Variants in SLC16A4 observed in about 807,000 individuals in gnomAD.
SLC16A4 encodes the protein solute carrier family 16 member 4, also known as probable monocarboxylate transporter 5.
In SLC16A4, 39 loss-of-function variants were observed where a neutral mutation model predicts 47.9. That is an observed-to-expected ratio of 0.81 (90% CI 0.63 to 1.06). The LOEUF is 1.06. Among genes scored for constraint, SLC16A4 ranks in the 50% least tolerant of loss-of-function variants. The probability of loss-of-function intolerance (pLI) is 0.00; values close to 1 mark genes in which losing one functional copy is unlikely to be tolerated. For missense variants in SLC16A4, 524 were observed against 573.8 expected, an observed-to-expected ratio of 0.91 and a Z score of 0.89; for synonymous variants, 189 against 199.9, an observed-to-expected ratio of 0.95 and a Z score of 0.46.
At chr1:110,366,424 T>C (rs1171417767) in intron 8 of SLC16A4, among the ~76,000 whole-genome samples, 1 of 152,152 alleles carries the variant, frequency 6.6e-6, no homozygotes, top group Non-Finnish European at 1.5e-5. Context: ...CCTTCTAAAG[T>C]GCTTGGATTT....
At chr1:110,375,663 T>C in intron 7 of SLC16A4, 112 bp from the exon 8 acceptor site, 1 of 606,122 alleles carries the variant, frequency 1.6e-6, no homozygotes, top group South Asian at 2.5e-5. Context: ...AACAGTGACT[T>C]CTGGGGTGAG....
At chr1:110,366,566 T>C (rs913755449) in intron 8 of SLC16A4, among the ~76,000 whole-genome samples, 1 of 151,834 alleles carries the variant, frequency 6.6e-6, no homozygotes, top group Non-Finnish European at 1.5e-5. Flanking sequence ...ATGAATACTT[T>C]GTTTGGATAC....
chr1:110,381,172 C>A, intron 4 of SLC16A4, 29 bp from the exon 5 acceptor site: 1 of 1,602,792 alleles, frequency 6.2e-7, no homozygotes, highest in South Asian at 1.1e-5. Context: ...AGTTTAGAAT[C>A]ACTCTTACAT....
At chr1:110,375,877 A>G (rs1661970486) in intron 7 of SLC16A4, among the ~76,000 whole-genome samples, 1 of 152,102 alleles carries the variant, frequency 6.6e-6, no homozygotes, top group South Asian at 2.1e-4. Flanking sequence ...TACAATATGA[A>G]TTAATAGTGA....
At chr1:110,366,949 C>T (rs1472316410) in intron 8 of SLC16A4, among the ~76,000 whole-genome samples, 1 of 152,056 alleles carries the variant, frequency 6.6e-6, no homozygotes, top group African/African-American at 2.4e-5. Flanking sequence ...AAATTAAGAT[C>T]CAATTGCCAT....
At chr1:110,386,218 G>A (rs1336653801) in intron 2 of SLC16A4, among the ~76,000 whole-genome samples, 2 of 152,186 alleles carry the variant, frequency 1.3e-5, no homozygotes, top group Non-Finnish European at 2.9e-5. Context: ...TGTCCACTAT[G>A]TATCAAGAAG....
At position 110,381,687 on chromosome 1, in the gene SLC16A4, A is replaced by G. The variant is rs1407031882; in HGVS notation, c.329T>C (p.Ile110Thr). ...TCCCATAGTCACACAAAGAAAAGGA[A>G]TACTTGTGGCCCAGCTGCTGATCAG... ...GYLISSWATS[I>T]PFLCVTMGLL... Residue 110 changes from isoleucine (I) to threonine (T), a missense_variant, in exon 4 of 9, where the codon ATT (isoleucine) becomes ACT (threonine). Physicochemically the swap from Ile to Thr is moderately conservative, Grantham distance 89 (BLOSUM62 -1). Transcript: ENST00000369779. 6.2e-7 allele frequency: 1 copy of G among 1,613,450 alleles called. No individual in the cohort carries two copies. The highest frequency in any genetic ancestry group is 8.5e-7 in the Non-Finnish European group (1 of 1,179,856).
chr1:110,382,437 C>T (rs1285633474), intron 3 of SLC16A4, among the ~76,000 whole-genome samples: 1 of 150,874 alleles, frequency 6.6e-6, no homozygotes, highest in Non-Finnish European at 1.5e-5. Context: ...CCAACCTGGG[C>T]AACAGAGTGA....
chr1:110,368,472 T>A (rs1310510883), intron 8 of SLC16A4, among the ~76,000 whole-genome samples: 1 of 152,236 alleles, frequency 6.6e-6, no homozygotes, highest in East Asian at 1.9e-4. Flanking sequence ...CTGAGATGCA[T>A]GTTAATAATG....
At chr1:110,372,797 G>A (rs1238939169) in intron 8 of SLC16A4, 2 of 152,160 alleles carry the variant, frequency 1.3e-5, no homozygotes, top group Non-Finnish European at 2.9e-5. Flanking sequence ...CTAAGTAATA[G>A]TCTCTGAATT....
At chr1:110,369,142 A>G (rs1485029668) in intron 8 of SLC16A4, among the ~76,000 whole-genome samples, 1 of 151,834 alleles carries the variant, frequency 6.6e-6, no homozygotes, top group Non-Finnish European at 1.5e-5. Context: ...TTTAGTAGAG[A>G]CGGGGTTTCA....
chr1:110,380,989 G>C lies in SLC16A4; in HGVS notation c.519C>G (p.Asp173Glu). 6.2e-7 allele frequency: 1 copy of C among 1,613,832 alleles called. No homozygotes were observed. Among genetic ancestry groups the C allele is most frequent in the Non-Finnish European group, 8.5e-7 (1 of 1,179,730 alleles). ...PFTKFLIDLY[D>E]WTGALILFGA... The stretch of plus-strand genomic sequence containing the variant: ...AAACTTAGAATGACGTACCTGTCCA[G>C]TCATACAGATCTATCAGGAATTTTG... The change falls in exon 5 of 9, where the codon GAC becomes GAG. Residue 173 changes from aspartate to glutamate, a missense_variant. Asp to Glu is a conservative substitution (Grantham distance 45, BLOSUM62 2). Transcript: ENST00000369779.
chr1:110,363,645 T>A lies in SLC16A4; in HGVS notation c.*121A>T, dbSNP rs1037679567. The A allele has an allele frequency of 3.3e-4, 242 of 740,900 alleles. No homozygotes were observed. The highest frequency in any genetic ancestry group is 6.0e-4 in the South Asian group (20 of 33,576). The allele number at this position is 740,900 out of a possible 1,614,324, so 45.9% of individuals were successfully genotyped here. A position where few individuals can be genotyped will look rare whatever the true frequency, so the allele number is the denominator to read the frequency against. On this transcript the variant is annotated 3_prime_UTR_variant, in exon 9 of 9. Coordinates refer to ENST00000369779, the MANE Select transcript of SLC16A4 (RefSeq NM_004696.3). ...CGTCTCAAAAAAAAAAAAAAAAAAA[T>A]TGTTTTCCTTCTCATGTTACAAATG...
intron 8 of SLC16A4, among the ~76,000 whole-genome samples, chr1:110,367,169 T>C (rs1260028765): frequency 6.6e-6 from 1 of 152,248 alleles, no homozygotes; most frequent in East Asian, 1.9e-4. Context: ...CTTTATTTGA[T>C]TGGAATAACT....
chr1:110,382,923 A>G lies in SLC16A4; in HGVS notation c.131T>C (p.Phe44Ser). The G allele has an allele frequency of 6.2e-7, 1 of 1,612,810 alleles. No individual in the cohort carries two copies. Among genetic ancestry groups the G allele is most frequent in the East Asian group, 2.2e-5 (1 of 44,844 alleles). Residue 44 changes from phenylalanine (F) to serine (S), a missense_variant, in exon 3 of 9, where the codon TTC (phenylalanine) becomes TCC (serine). Coordinates refer to ENST00000369779, the MANE Select transcript of SLC16A4 (RefSeq NM_004696.3). The stretch of plus-strand genomic sequence containing the variant: ...AAACTCTTCTTGAAAGACCACAAAG[A>G]AAATTGCAAAAGTCTTGGTCATCCC... ...VMGMTKTFAI[F>S]FVVFQEEFEG...
chr1:110,375,259 A>T, intron 8 of SLC16A4, 199 bp downstream of exon 8: 1 of 565,336 alleles, frequency 1.8e-6, no homozygotes, highest in Middle Eastern at 4.8e-4. Context: ...GAATCTGCTT[A>T]AGGCACATCT....
intron 6 of SLC16A4, among the ~76,000 whole-genome samples, chr1:110,378,080 C>T (rs763525117): frequency 3.9e-5 from 6 of 152,306 alleles, no homozygotes; most frequent in Admixed American, 6.5e-5. Context: ...CCACCTGCCT[C>T]GGCCTCCCAA....
chr1:110,375,506 C>T lies in SLC16A4; in HGVS notation c.1288G>A (p.Ala430Thr). ...ACAGCCATCCCAGCAAAGAAACTGG[C>T]AAGTCCCAAAAACCTGTTTACTGTA... Reference protein sequence around the residue: ...NSTVNRFLGLASFFAGMAVLS... With the variant: ...NSTVNRFLGLTSFFAGMAVLS... The change falls in exon 8 of 9, where the codon GCC (alanine) becomes ACC (threonine). Residue 430 changes from alanine (A) to threonine (T), a missense_variant. Physicochemically the swap from Ala to Thr is moderately conservative, Grantham distance 58. Coordinates refer to ENST00000369779, the MANE Select transcript of SLC16A4 (RefSeq NM_004696.3). 2 of 1,613,400 alleles carry T rather than the reference C, an allele frequency of 1.2e-6. No individual in the cohort carries two copies. Among genetic ancestry groups the T allele is most frequent in the Non-Finnish European group, 8.5e-7 (1 of 1,179,374 alleles).
In SLC16A4 at chr1:110,381,161, T is replaced by C; in HGVS notation, c.365-18A>G. On this transcript the variant is annotated intron_variant, in intron 4 of 8. Coordinates refer to ENST00000369779, the MANE Select transcript of SLC16A4 (RefSeq NM_004696.3). The stretch of plus-strand genomic sequence containing the variant: ...ACCCAAACCTAAAAGAAAAACGTAA[T>C]AGTTTAGAATCACTCTTACATTAAG... The C allele has an allele frequency of 1.2e-6, 2 of 1,610,020 alleles. No homozygotes were observed. Among genetic ancestry groups the C allele is most frequent in the Non-Finnish European group, 1.7e-6 (2 of 1,176,808 alleles).
Sources: gnomAD v4.1 joint callset for allele counts (sites outside exome capture counted in the v4.1 genomes callset) on GRCh38, gnomAD v4.1.1 for gene constraint, MANE v1.5 for transcripts, NCBI Gene and HGNC (gene_info 2026-07-23, HGNC 2026-07-21) for gene names.